IL23R: variants seen among roughly 807,000 people sequenced by gnomAD.
IL23R encodes interleukin 23 receptor.
Under a neutral mutation model 56.9 loss-of-function variants are expected in IL23R, and 34 were observed. The ratio of observed to expected loss-of-function variants is 0.60; its 90% confidence interval spans 0.45 to 0.80. The LOEUF is 0.80. Among genes scored for constraint, IL23R ranks in the 30% least tolerant of loss-of-function variants. The pLI is 0.00. For synonymous variants in IL23R, 230 were observed against 249.2 expected (o/e 0.92, Z 0.73); for missense variants, 635 against 730.0 (o/e 0.87, Z 1.50).
intron 1 of IL23R, among the ~76,000 whole-genome samples, chr1:67,144,916 C>T (rs189787699): frequency 1.3e-5 from 2 of 152,306 alleles, no homozygotes; most frequent in East Asian, 3.9e-4. Context: ...TACCAAACAT[C>T]TCCACTGGGG....
At chr1:67,191,341 C>G (rs1430539978) in intron 4 of IL23R, among the ~76,000 whole-genome samples, 1 of 152,168 alleles carries the variant, frequency 6.6e-6, no homozygotes, top group African/African-American at 2.4e-5. Context: ...ACATCTGTAC[C>G]CATATAGTTG....
intron 1 of IL23R, among the ~76,000 whole-genome samples, chr1:67,148,011 T>C (rs1646695113): frequency 2.0e-5 from 3 of 152,220 alleles, no homozygotes; most frequent in African/African-American, 2.4e-5. Context: ...GTGAGTGTTA[T>C]AGCTCTATTA....
chr1:67,184,787 GC>G (rs979146731), intron 4 of IL23R, among the ~76,000 whole-genome samples: 2 of 152,028 alleles, frequency 1.3e-5, no homozygotes, highest in African/African-American at 4.8e-5. Context: ...ACCATGTGAA[GC>G]CCTGGGATCA....
intron 5 of IL23R, among the ~76,000 whole-genome samples, chr1:67,205,471 T>C (rs1648940429): frequency 6.6e-6 from 1 of 152,248 alleles, no homozygotes; most frequent in Non-Finnish European, 1.5e-5. Context: ...TGTTAAATAG[T>C]ACAGCTATCA....
chr1:67,184,798 A>C (rs1043809823), intron 4 of IL23R, among the ~76,000 whole-genome samples: 74 of 152,190 alleles, frequency 4.9e-4, no homozygotes, highest in Non-Finnish European at 7.8e-4. Context: ...CCCTGGGATC[A>C]TACAAATGCT....
intron 4 of IL23R, among the ~76,000 whole-genome samples, chr1:67,183,506 G>A (rs969942291): frequency 6.6e-6 from 1 of 152,184 alleles, no homozygotes; most frequent in Admixed American, 6.5e-5. Flanking sequence ...CTGCACTCTA[G>A]CCTGGGCGAC....
chr1:67,190,346 G>A (rs1035798780), intron 4 of IL23R, among the ~76,000 whole-genome samples: 3 of 151,622 alleles, frequency 2.0e-5, no homozygotes, highest in East Asian at 1.9e-4. Flanking sequence ...GCTCCTTTGC[G>A]GTGGCCTCAC....
chr1:67,257,545 T>C (rs574542484), intron 10 of IL23R, among the ~76,000 whole-genome samples: 17 of 152,244 alleles, frequency 1.1e-4, no homozygotes, highest in African/African-American at 3.6e-4. Flanking sequence ...GGCTATAATA[T>C]TATAATTGTG....
chr1:67,207,572 C>T (rs577003932), intron 6 of IL23R: 279 of 361,922 alleles, frequency 7.7e-4, no homozygotes, highest in Non-Finnish European at 1.3e-3. Flanking sequence ...ATAAGTCTCA[C>T]GAGATCTGAT....
chr1:67,169,232 G>A, intron 2 of IL23R, 110 bp from the exon 3 acceptor site: 1 of 818,050 alleles, frequency 1.2e-6, no homozygotes, highest in Non-Finnish European at 1.9e-6. Flanking sequence ...GTTTTCAATG[G>A]AATCATTTAG....
chr1:67,254,535 A>C (rs1265399858), intron 9 of IL23R, among the ~76,000 whole-genome samples: 1 of 152,152 alleles, frequency 6.6e-6, no homozygotes, highest in African/African-American at 2.4e-5. Context: ...TTAGTAAACA[A>C]AACAACAACA....
chr1:67,199,992 C>T (rs567042849), intron 4 of IL23R, among the ~76,000 whole-genome samples: 3 of 152,290 alleles, frequency 2.0e-5, no homozygotes, highest in Admixed American at 2.0e-4. Flanking sequence ...CTGAGCAACA[C>T]AGCAAGACCC....
chr1:67,198,322 G>A (rs769521573), intron 4 of IL23R, among the ~76,000 whole-genome samples: 2 of 152,094 alleles, frequency 1.3e-5, no homozygotes, highest in Non-Finnish European at 2.9e-5. Context: ...TCCAACCCTC[G>A]TCCACTAAAA....
intron 1 of IL23R, among the ~76,000 whole-genome samples, chr1:67,157,142 C>T (rs1032585989): frequency 2.6e-5 from 4 of 152,284 alleles, no homozygotes; most frequent in Middle Eastern, 6.8e-3. Context: ...CATAACCAGT[C>T]CCAATGAGAT....
chr1:67,161,323 C>A (rs1646817345), intron 1 of IL23R, among the ~76,000 whole-genome samples: 2 of 151,994 alleles, frequency 1.3e-5, no homozygotes, highest in South Asian at 4.2e-4. Flanking sequence ...TTTTTCTTGT[C>A]TTTAATGTGT....
At chr1:67,206,015 T>G (rs1315743789) in intron 5 of IL23R, among the ~76,000 whole-genome samples, 1 of 151,388 alleles carries the variant, frequency 6.6e-6, no homozygotes, top group African/African-American at 2.4e-5. Context: ...CTCCTTTCCC[T>G]TCCTTTCTTT....
chr1:67,228,141 T>C (rs1650843399), intron 7 of IL23R, among the ~76,000 whole-genome samples: 6 of 133,156 alleles, frequency 4.5e-5, no homozygotes, highest in Non-Finnish European at 8.1e-5. Flanking sequence ...TCTTTCTTTC[T>C]GTCTTTCTTT....
intron 7 of IL23R, among the ~76,000 whole-genome samples, chr1:67,230,294 A>G (rs1433196792): frequency 6.6e-6 from 1 of 152,236 alleles, no homozygotes; most frequent in Admixed American, 6.5e-5. Flanking sequence ...TAGGATGCCC[A>G]CAAAGAAGTA....
rs116528368 is a variant in IL23R, at chr1:67,184,804, A to C, written c.491+1845A>C. 3.1e-3 allele frequency among the ~76,000 whole-genome samples: 476 copies of C among 152,282 alleles called. 5 individuals carry two copies. The highest frequency in any genetic ancestry group is 0.011 in the African/African-American group (459 of 41,576). On this transcript the variant is annotated intron_variant, in intron 4 of 10. Transcript: ENST00000347310. ...CATGTGAAGCCCTGGGATCATACAA[A>C]TGCTTATATCCTCCTAAAATTCATA...
Sources: allele counts gnomAD v4.1 joint callset (sites outside exome capture counted in the v4.1 genomes callset), GRCh38; gene constraint gnomAD v4.1.1; transcripts MANE v1.5; gene names NCBI Gene and HGNC (gene_info 2026-07-23, HGNC 2026-07-21).